Variants in NKAIN2 observed in about 807,000 individuals in gnomAD.
NKAIN2 encodes sodium/potassium transporting ATPase interacting 2, also known as sodium/potassium-transporting ATPase subunit beta-1-interacting protein 2.
NKAIN2 carries 14 observed loss-of-function variants against 32.6 expected under a neutral mutation model. The observed-to-expected ratio is 0.43, with a 90% CI of 0.28 to 0.67. NKAIN2 has a LOEUF of 0.67. Ranked by LOEUF, NKAIN2 falls within the 30% of genes least tolerant of loss-of-function variation. The pLI is 0.17. For synonymous variants in NKAIN2, 80 were observed against 87.2 expected (o/e 0.92, Z 0.46); for missense variants, 198 against 258.3 (o/e 0.77, Z 1.60).
intron 1 of NKAIN2, among the ~76,000 whole-genome samples, chr6:123,940,757 C>T (rs1004598602): frequency 3.8e-4 from 58 of 152,062 alleles, no homozygotes; most frequent in African/African-American, 1.4e-3. Context: ...GTGAGTGAGT[C>T]ACGGTGAGTG....
At chr6:124,384,158 T>C (rs185612573) in intron 3 of NKAIN2, among the ~76,000 whole-genome samples, 16 of 152,316 alleles carry the variant, frequency 1.1e-4, no homozygotes, top group African/African-American at 3.8e-4. Context: ...TTTATATAAG[T>C]TAATTATCTG....
chr6:124,609,466 CT>C, intron 3 of NKAIN2, among the ~76,000 whole-genome samples: 1 of 152,018 alleles, frequency 6.6e-6, no homozygotes, highest in East Asian at 1.9e-4. Flanking sequence ...ATTTATAAAT[CT>C]TGTTCCATTT....
At chr6:124,570,189 T>C (rs576709713) in intron 3 of NKAIN2, among the ~76,000 whole-genome samples, 1 of 152,200 alleles carries the variant, frequency 6.6e-6, no homozygotes, top group Non-Finnish European at 1.5e-5. Context: ...ACTTGGGTGC[T>C]GTTAAAAGTA....
chr6:124,772,934 C>A (rs1456491778), intron 4 of NKAIN2, among the ~76,000 whole-genome samples: 1 of 152,086 alleles, frequency 6.6e-6, no homozygotes, highest in African/African-American at 2.4e-5. Flanking sequence ...ACCCATGTAA[C>A]AAACAAGCAC....
At chr6:123,991,237 A>G (rs1779396387) in intron 1 of NKAIN2, among the ~76,000 whole-genome samples, 1 of 152,172 alleles carries the variant, frequency 6.6e-6, no homozygotes, top group South Asian at 2.1e-4. Flanking sequence ...CTTTCTATGA[A>G]CAGATACTTA....
intron 1 of NKAIN2, among the ~76,000 whole-genome samples, chr6:123,873,931 G>GTTTATTTA (rs60209355): frequency 6.6e-6 from 1 of 151,870 alleles, no homozygotes; most frequent in Non-Finnish European, 1.5e-5. Flanking sequence ...TTTCCTGTTT[G>GTTTATTTA]TTTATTTATT....
chr6:124,002,581 T>C (rs1779924415), intron 1 of NKAIN2, among the ~76,000 whole-genome samples: 1 of 152,158 alleles, frequency 6.6e-6, no homozygotes, highest in African/African-American at 2.4e-5. Flanking sequence ...TAGACTGCTT[T>C]GGCCATAGAC....
At chr6:124,254,677 C>T (rs1291046356) in intron 1 of NKAIN2, among the ~76,000 whole-genome samples, 8 of 152,078 alleles carry the variant, frequency 5.3e-5, no homozygotes, top group Non-Finnish European at 1.0e-4. Context: ...ATCATTAAAA[C>T]GACACTAAAA....
At chr6:124,550,520 T>C (rs1267637392) in intron 3 of NKAIN2, among the ~76,000 whole-genome samples, 1 of 152,078 alleles carries the variant, frequency 6.6e-6, no homozygotes, top group Non-Finnish European at 1.5e-5. Context: ...TATTGGAAAA[T>C]GGTATTTAGA....
chr6:124,196,683 T>C (rs138679738), intron 1 of NKAIN2, among the ~76,000 whole-genome samples: 11 of 152,220 alleles, frequency 7.2e-5, no homozygotes, highest in African/African-American at 2.2e-4. Flanking sequence ...ATCCTCACAA[T>C]GCATTCAGTG....
chr6:123,852,207 A>G (rs754415011), intron 1 of NKAIN2, among the ~76,000 whole-genome samples: 28 of 152,206 alleles, frequency 1.8e-4, no homozygotes, highest in Non-Finnish European at 3.1e-4. Flanking sequence ...AAGCGACAAC[A>G]TGATCTTTTG....
chr6:123,904,423 C>T (rs1774756607), intron 1 of NKAIN2, among the ~76,000 whole-genome samples: 1 of 152,178 alleles, frequency 6.6e-6, no homozygotes, highest in East Asian at 1.9e-4. Flanking sequence ...AGATGTCTAT[C>T]ATCTTCCTGC....
At position 123,932,787 on chromosome 6, in the gene NKAIN2, T is replaced by A. The variant is rs1582801926; in HGVS notation, c.54+128533T>A. On this transcript the variant is annotated intron_variant, in intron 1 of 6. Coordinates refer to ENST00000368417, the MANE Select transcript of NKAIN2 (RefSeq NM_001040214.3). ...TTTGGGGACTTTTTTTTTTTTTTAA[T>A]TTCTCCCTTTCATTTTCCTTTCATT... is the stretch of plus-strand genomic sequence containing the variant. Among the ~76,000 whole-genome samples, 6 of 145,548 alleles carry A rather than the reference T, an allele frequency of 4.1e-5. 2 individuals carry two copies. The highest frequency in any genetic ancestry group is 2.1e-4 in the Admixed American group (3 of 14,494).
intron 1 of NKAIN2, among the ~76,000 whole-genome samples, chr6:124,160,255 T>C (rs1788203540): frequency 6.6e-6 from 1 of 152,150 alleles, no homozygotes; most frequent in African/African-American, 2.4e-5. Context: ...TTTTTCTCAC[T>C]AAGCACTAAC....
intron 3 of NKAIN2, among the ~76,000 whole-genome samples, chr6:124,461,367 G>A (rs1776524906): frequency 6.6e-6 from 1 of 151,730 alleles, no homozygotes; most frequent in Non-Finnish European, 1.5e-5. Flanking sequence ...TAATTGAAGA[G>A]ATGTAGATTA....
At chr6:124,615,134 G>A (rs1782836791) in intron 3 of NKAIN2, among the ~76,000 whole-genome samples, 1 of 152,074 alleles carries the variant, frequency 6.6e-6, no homozygotes, top group South Asian at 2.1e-4. Context: ...ACTTTTCACA[G>A]TCTGTCATGT....
chr6:123,858,054 A>G (rs1438184834), intron 1 of NKAIN2, among the ~76,000 whole-genome samples: 2 of 152,162 alleles, frequency 1.3e-5, no homozygotes, highest in Non-Finnish European at 2.9e-5. Flanking sequence ...CACTCCTGGG[A>G]AGAAAGGAAT....
At chr6:123,903,513 G>A (rs1378418605) in intron 1 of NKAIN2, among the ~76,000 whole-genome samples, 1 of 152,136 alleles carries the variant, frequency 6.6e-6, no homozygotes, top group Non-Finnish European at 1.5e-5. Context: ...GGCCCTGGGT[G>A]TTACTATCTA....
chr6:123,883,291 C>T (rs1773540629), intron 1 of NKAIN2, among the ~76,000 whole-genome samples: 1 of 151,896 alleles, frequency 6.6e-6, no homozygotes, highest in African/African-American at 2.4e-5. Flanking sequence ...ACTATAGGCA[C>T]CCGCCACCAC....
Sources: gnomAD v4.1 joint callset for allele counts (sites outside exome capture counted in the v4.1 genomes callset) on GRCh38, gnomAD v4.1.1 for gene constraint, MANE v1.5 for transcripts, NCBI Gene and HGNC (gene_info 2026-07-23, HGNC 2026-07-21) for gene names.